The following ARFGAP1 variants were observed in gnomAD, a reference collection of about 807,000 sequenced individuals.
The protein encoded by ARFGAP1 is ADP-ribosylation factor GTPase-activating protein 1.
A neutral mutation model predicts 54.0 loss-of-function variants in ARFGAP1; 26 were observed. The ratio of observed to expected loss-of-function variants is 0.48; its 90% CI spans 0.35 to 0.67. ARFGAP1 has a LOEUF of 0.67. Ranked by LOEUF, ARFGAP1 falls within the 30% of genes least tolerant of loss-of-function variation. The pLI, the probability that ARFGAP1 is intolerant of heterozygous loss-of-function variation, is 0.00. For missense variants in ARFGAP1, 525 were observed against 535.8 expected, an observed-to-expected ratio of 0.98 and a Z score of 0.20; for synonymous variants, 248 against 211.9, an observed-to-expected ratio of 1.17 and a Z score of -1.48.
rs867304111 is a variant in ARFGAP1, at chr20:63,288,213, G to T, written c.*340G>T. 1.8e-6 allele frequency: 1 copy of T among 561,302 alleles called. No homozygotes were observed. The allele number at this position is 561,302 out of a possible 1,614,324, so 34.8% of individuals were successfully genotyped here. ...TGCGTTCCAGCGGCCAGTTCACTAC[G>T]CAGTATCTCTGGGGCCTGGGACCAG... On this transcript the variant is annotated 3_prime_UTR_variant, in exon 13 of 13. Transcript: ENST00000370283.
chr20:63,285,544 A>C, intron 10 of ARFGAP1, 110 bp from the exon 11 acceptor site: 1 of 1,157,716 alleles, frequency 8.6e-7, no homozygotes, highest in Non-Finnish European at 1.3e-6. Context: ...ATGGGTATCC[A>C]CATGCCCCTG....
intron 7 of ARFGAP1, chr20:63,279,199 CTTTTTT>C: frequency 3.6e-6 from 2 of 557,502 alleles, no homozygotes; most frequent in Non-Finnish European, 3.3e-6. Context: ...CAATCACTTC[CTTTTTT>C]TTTTTTTTTT....
Position 63,281,321 on chromosome 20 carries a change from C to T in ARFGAP1, c.658C>T (p.Arg220Trp), listed in dbSNP as rs539331372. Residue 220 changes from arginine (R) to tryptophan (W), a missense_variant, in exon 8 of 13, where the codon CGG (arginine) becomes TGG (tryptophan). Physicochemically the swap from Arg to Trp is moderately radical, Grantham distance 101 (BLOSUM62 -3). This residue lies in a region of ARFGAP1 where 466 missense variants were observed against 453.6 expected (regional missense o/e 1.03). Coordinates refer to ENST00000370283, the MANE Select transcript of ARFGAP1 (RefSeq NM_018209.4). ...GWSSFTTGAS[R>W]FASAAKEGAT... ...GAGCAGCTTCACCACTGGAGCCAGC[C>T]GGTTTGCCTCGGCAGCCAAGGAGGG... 4.6e-5 allele frequency: 73 copies of T among 1,601,068 alleles called. No individual in the cohort carries two copies. Among genetic ancestry groups the T allele is most frequent in the East Asian group, 2.2e-4 (10 of 44,738 alleles).
intron 6 of ARFGAP1, chr20:63,278,450 CCCA>C: frequency 2.0e-6 from 1 of 503,930 alleles, no homozygotes; most frequent in Non-Finnish European, 3.6e-6. Flanking sequence ...TGCAGTGACC[CCCA>C]GCTGCCCAGG....
Position 63,288,527 on chromosome 20 carries a change from A to C in ARFGAP1, c.*654A>C, listed in dbSNP as rs930346503. On this transcript the variant is annotated 3_prime_UTR_variant, in exon 13 of 13. Transcript: ENST00000370283. ...CAGGTTCACCAGACACGGCCTCCACAATAGCCACACCCACACCTGAGCTGT... is the reference window on the plus strand; with the variant it reads ...CAGGTTCACCAGACACGGCCTCCACCATAGCCACACCCACACCTGAGCTGT... 2.2e-6 allele frequency: 1 copy of C among 455,880 alleles called. No individual in the cohort carries two copies. Among genetic ancestry groups the C allele is most frequent in the Admixed American group, 2.3e-5 (1 of 42,578 alleles). 28.2% of individuals were successfully genotyped at this position (455,880 alleles called of 1,614,324 possible). A position where few individuals can be genotyped will look rare whatever the true frequency, so the allele number is the denominator to read the frequency against.
chr20:63,283,846 TAA>T, intron 9 of ARFGAP1: 1 of 1,613,494 alleles, frequency 6.2e-7, no homozygotes, highest in Non-Finnish European at 8.5e-7. Context: ...TGCTGTCGGG[TAA>T]AGTTTTGGGG....
chr20:63,286,716 T>G, intron 12 of ARFGAP1: 2 of 325,670 alleles, frequency 6.1e-6, no homozygotes, highest in East Asian at 7.8e-5. Flanking sequence ...TGCCCTGCTG[T>G]GTGCTCTTTG....
At position 63,285,654 on chromosome 20, in the gene ARFGAP1, G is replaced by A. The variant is rs2067514479; in HGVS notation, c.775G>A (p.Val259Met). Residue 259 changes from valine to methionine, a missense_variant and splice_region_variant, in exon 11 of 13, where the codon GTG becomes ATG. Coordinates refer to ENST00000370283, the MANE Select transcript of ARFGAP1 (RefSeq NM_018209.4). ...AATGCCGCTGTCTTCATCCGTGCAG[G>A]TGAAGGAGGGAAAGATTTTTGATGA... ...ENVLKPAQEKVKEGKIFDDVS... is the reference protein window; with the variant it reads ...ENVLKPAQEKMKEGKIFDDVS... The A allele has an allele frequency of 1.9e-6, 3 of 1,613,410 alleles. No individual in the cohort carries two copies. Among genetic ancestry groups the A allele is most frequent in the Admixed American group, 3.3e-5 (2 of 60,012 alleles).
intron 11 of ARFGAP1, chr20:63,286,045 T>A (rs1209400290): frequency 6.5e-7 from 1 of 1,548,970 alleles, no homozygotes; most frequent in African/African-American, 1.4e-5. Context: ...GTGCATTTTG[T>A]CCTGTTTCCT....
intron 12 of ARFGAP1, chr20:63,286,777 A>C: frequency 3.7e-6 from 1 of 273,964 alleles, no homozygotes; most frequent in Non-Finnish European, 7.1e-6. Context: ...GGAGGGTCTC[A>C]CCCATATGCC....
chr20:63,279,007 G>A lies in ARFGAP1; in HGVS notation c.627+12G>A. 1 of 1,613,328 alleles carries A rather than the reference G, an allele frequency of 6.2e-7. No individual in the cohort carries two copies. The highest frequency in any genetic ancestry group is 8.5e-7 in the Non-Finnish European group (1 of 1,179,742). The stretch of plus-strand genomic sequence containing the variant: ...CCTCCCTGTACTCGGTGAGGACTTG[G>A]CCCTGCAGAGCATCTCCCATGGGCA... On this transcript the variant is annotated intron_variant, in intron 7 of 12. Transcript: ENST00000370283.
chr20:63,282,516 GT>G (rs2067411377), intron 8 of ARFGAP1, among the ~76,000 whole-genome samples: 1 of 152,258 alleles, frequency 6.6e-6, no homozygotes. Context: ...CCCCGGCCCT[GT>G]CCTGAAGTCT....
intron 10 of ARFGAP1, chr20:63,285,411 T>C (rs1011849262): frequency 1.7e-5 from 10 of 580,642 alleles, no homozygotes; most frequent in Non-Finnish European, 2.5e-5. Flanking sequence ...TTAGGTCACG[T>C]TGCTATTTGT....
Position 63,287,975 on chromosome 20 carries a change from G to A in ARFGAP1, c.*102G>A. The A allele has an allele frequency of 3.1e-6, 4 of 1,297,472 alleles. No homozygotes were observed. The highest frequency in any genetic ancestry group is 4.1e-6 in the Non-Finnish European group (4 of 969,540). The allele number at this position is 1,297,472 out of a possible 1,614,324, so 80.4% of individuals were successfully genotyped here. On this transcript the variant is annotated 3_prime_UTR_variant, in exon 13 of 13. Coordinates refer to ENST00000370283, the MANE Select transcript of ARFGAP1 (RefSeq NM_018209.4). ...CCATTTGACCCAAGAATCAGCAACT[G>A]CAGTGTGAGGACAGCGTCTCGGGAG...
chr20:63,281,387 C>A (rs1299083241), intron 8 of ARFGAP1, 40 bp downstream of exon 8: 7 of 1,565,364 alleles, frequency 4.5e-6, no homozygotes, highest in Non-Finnish European at 6.0e-6. Context: ...CCCCACCAGG[C>A]CCTCGGGACA....
Position 63,276,239 on chromosome 20 carries a change from G to A in ARFGAP1, c.170+39G>A, listed in dbSNP as rs201582922. On this transcript the variant is annotated intron_variant, in intron 3 of 12. Transcript: ENST00000370283. The surrounding 1 kb of genome is among the most constrained non-coding windows in gnomAD (Gnocchi z 5.2). The stretch of plus-strand genomic sequence containing the variant: ...CGCTCTGGCTCTGCGGAGAGCCTGC[G>A]GCCACCCCAGCATCTGTTCCTGACA... 5.5e-5 allele frequency: 88 copies of A among 1,604,208 alleles called. 1 individual carries two copies. The Admixed American group carries it at 8.2e-4, about 15-fold the overall frequency.
intron 9 of ARFGAP1, 45 bp downstream of exon 9, chr20:63,282,896 C>T: frequency 6.2e-7 from 1 of 1,610,312 alleles, no homozygotes; most frequent in Non-Finnish European, 8.5e-7. Context: ...CTGAAACTAT[C>T]CTGAGTCTGA....
intron 5 of ARFGAP1, 124 bp from the exon 6 acceptor site, chr20:63,277,993 A>G: frequency 1.3e-6 from 1 of 794,544 alleles, no homozygotes. Context: ...CCCTGGCCTC[A>G]GGTGCTCTCA....
rs754344775 is a variant in ARFGAP1 at position 63,278,102 on chromosome 20, G to A, written c.444-15G>A. Reference sequence around the variant, plus strand: ...CCCAGTTTTGGCCTTACCAGCCTTCGATTCTCGGTTTCAGAGTCTCTGGCC... The same window carrying A: ...CCCAGTTTTGGCCTTACCAGCCTTCAATTCTCGGTTTCAGAGTCTCTGGCC... On this transcript the variant is annotated splice_polypyrimidine_tract_variant and intron_variant, in intron 5 of 12. Coordinates refer to ENST00000370283, the MANE Select transcript of ARFGAP1 (RefSeq NM_018209.4). The A allele has an allele frequency of 2.9e-5, 46 of 1,613,136 alleles. No individual in the cohort carries two copies. The highest frequency in any genetic ancestry group is 8.0e-5 in the African/African-American group (6 of 74,942).
Sources: allele counts gnomAD v4.1 joint callset (sites outside exome capture counted in the v4.1 genomes callset), GRCh38; gene constraint gnomAD v4.1.1; regional missense constraint gnomAD v4.1.1; non-coding constraint Gnocchi (gnomAD v3.1); transcripts MANE v1.5; gene names NCBI Gene and HGNC (gene_info 2026-07-23, HGNC 2026-07-21).